ST7: variants seen among roughly 807,000 people sequenced by gnomAD.
ST7 encodes suppression of tumorigenicity 7.
In ST7, 28 loss-of-function variants were observed where a neutral mutation model predicts 78.7. The observed-to-expected ratio is 0.36, with a 90% CI of 0.26 to 0.49. The LOEUF is 0.49. ST7 is among the 20% of genes least tolerant of loss of function. The pLI is 0.99. For synonymous variants in ST7, 247 were observed against 249.6 expected, an observed-to-expected ratio of 0.99 and a Z score of 0.10; for missense variants, 418 against 696.0, an observed-to-expected ratio of 0.60 and a Z score of 4.49.
chr7:117,024,040 T>A (rs1796066562), intron 1 of ST7, among the ~76,000 whole-genome samples: 1 of 152,056 alleles, frequency 6.6e-6, no homozygotes, highest in Non-Finnish European at 1.5e-5. Flanking sequence ...TCCTGAACCC[T>A]TGACTGCAGG....
rs1231820161 is a variant in ST7 at position 117,065,399 on chromosome 7, C to T, written c.152-34363C>T. ...AATTTTTTTGTATTTTTAGTAGAGACGGGGTTTCACCGTGTTAGCCAGGAT... is the reference window on the plus strand; with the variant it reads ...AATTTTTTTGTATTTTTAGTAGAGATGGGGTTTCACCGTGTTAGCCAGGAT... On this transcript the variant is annotated intron_variant, in intron 1 of 15. Coordinates refer to ENST00000323984, the MANE Select transcript of ST7 (RefSeq NM_001369598.1). Among the ~76,000 whole-genome samples, 6 of 151,942 alleles carry T rather than the reference C, an allele frequency of 3.9e-5. No individual in the cohort carries two copies. In the East Asian group the frequency reaches 9.7e-4, roughly 25 times the overall value.
At chr7:117,214,551 A>T (rs1792538907) in intron 13 of ST7, among the ~76,000 whole-genome samples, 1 of 152,054 alleles carries the variant, frequency 6.6e-6, no homozygotes, top group African/African-American at 2.4e-5. Context: ...GAGAAATTCC[A>T]CCACCCTCCC....
At position 117,021,092 on chromosome 7, in the gene ST7, AG is replaced by A. The variant is rs1795884303; in HGVS notation, c.151+67403del. 2.0e-5 allele frequency among the ~76,000 whole-genome samples: 3 copies of A among 152,348 alleles called. No individual in the cohort carries two copies. The South Asian group carries it at 6.2e-4, about 32-fold the overall frequency. ...ATTTTCACAAAAACATAGACATTAT[AG>A]GTAGATTCAGAATGAGTAAGAAATC... is the stretch of plus-strand genomic sequence containing the variant. On this transcript the variant is annotated intron_variant, in intron 1 of 15. Transcript: ENST00000323984.
intron 3 of ST7, 45 bp from the exon 4 acceptor site, chr7:117,129,748 T>A: frequency 6.8e-7 from 1 of 1,466,976 alleles, no homozygotes; most frequent in Non-Finnish European, 9.5e-7. Flanking sequence ...GCTTGTAGTG[T>A]CACTGAACTT....
chr7:117,149,475 C>T (rs1164406926), intron 9 of ST7, among the ~76,000 whole-genome samples: 2 of 151,928 alleles, frequency 1.3e-5, no homozygotes, highest in Non-Finnish European at 2.9e-5. Flanking sequence ...GAGAGATGCT[C>T]TCTGCTCCTA....
At chr7:117,106,099 C>T (rs543488243) in intron 2 of ST7, among the ~76,000 whole-genome samples, 4 of 152,138 alleles carry the variant, frequency 2.6e-5, no homozygotes, top group African/African-American at 7.2e-5. Flanking sequence ...CCCGGGTTCA[C>T]GCCATTCTCC....
chr7:117,130,522 A>G lies in ST7; in HGVS notation c.481A>G (p.Thr161Ala). Reference protein sequence around the residue: ...YTWVTGREPLTYYDMNLSAQD... With the variant: ...YTWVTGREPLAYYDMNLSAQD... ...TTGGGTGACAGGACGAGAGCCTCTT[A>G]CTTACTATGACATGAATCTCTCTGC... The change falls in exon 5 of 16, where the codon ACT becomes GCT. Residue 161 changes from threonine to alanine, a missense_variant. Around this residue, in one of 4 missense-constraint regions of ST7, gnomAD observed 288 missense variants for 537.1 expected, o/e 0.54. Transcript: ENST00000323984. 1 of 1,611,482 alleles carries G rather than the reference A, an allele frequency of 6.2e-7. No homozygotes were observed.
chr7:117,050,914 G>A (rs1797755591), intron 1 of ST7, among the ~76,000 whole-genome samples: 1 of 139,858 alleles, frequency 7.2e-6, no homozygotes, highest in African/African-American at 2.7e-5. Flanking sequence ...TGGCGACAGA[G>A]CGAGACTACG....
chr7:117,004,862 C>T (rs1317311459), intron 1 of ST7, among the ~76,000 whole-genome samples: 1 of 151,960 alleles, frequency 6.6e-6, no homozygotes, highest in Non-Finnish European at 1.5e-5. Context: ...TAGAACAAAA[C>T]ATTTATGATG....
intron 1 of ST7, among the ~76,000 whole-genome samples, chr7:117,042,937 A>G (rs1264526560): frequency 1.3e-5 from 2 of 152,108 alleles, no homozygotes; most frequent in Admixed American, 6.6e-5. Context: ...GTTCCACTCT[A>G]TATATATTCT....
intron 1 of ST7, among the ~76,000 whole-genome samples, chr7:117,082,325 A>G (rs1799845557): frequency 6.6e-6 from 1 of 152,206 alleles, no homozygotes; most frequent in Admixed American, 6.5e-5. Context: ...GTTATAATTT[A>G]TCCATGATAA....
chr7:116,969,525 T>C (rs981246670), intron 1 of ST7, among the ~76,000 whole-genome samples: 2 of 152,198 alleles, frequency 1.3e-5, no homozygotes, highest in African/African-American at 4.8e-5. Flanking sequence ...AGAGAGAGTG[T>C]TGATCAGGTT....
intron 9 of ST7, among the ~76,000 whole-genome samples, chr7:117,148,305 T>A (rs571261466): frequency 4.6e-5 from 7 of 152,330 alleles, no homozygotes; most frequent in African/African-American, 1.7e-4. Flanking sequence ...TTTTAACATA[T>A]GTTAAGAATA....
At chr7:117,151,695 G>C (rs1806258813) in intron 9 of ST7, among the ~76,000 whole-genome samples, 1 of 152,130 alleles carries the variant, frequency 6.6e-6, no homozygotes. Flanking sequence ...CATGGCACTT[G>C]ATAGATAGGC....
chr7:117,214,241 G>A (rs556684983), intron 13 of ST7, among the ~76,000 whole-genome samples: 144 of 152,038 alleles, frequency 9.5e-4, no homozygotes, highest in African/African-American at 3.3e-3. Flanking sequence ...CTTTGTTTCC[G>A]TTTTTTTCTA....
At chr7:117,058,769 A>G (rs1045371227) in intron 1 of ST7, among the ~76,000 whole-genome samples, 1 of 152,194 alleles carries the variant, frequency 6.6e-6, no homozygotes, top group Non-Finnish European at 1.5e-5. Context: ...ACTATTCACA[A>G]TAGCCAAGAT....
intron 9 of ST7, among the ~76,000 whole-genome samples, chr7:117,165,605 C>T (rs1482956501): frequency 6.6e-6 from 1 of 152,078 alleles, no homozygotes; most frequent in Admixed American, 6.6e-5. Context: ...TATGATAGGT[C>T]GGTCACTGAC....
chr7:117,107,167 A>C (rs1321627115), intron 2 of ST7, among the ~76,000 whole-genome samples: 2 of 152,106 alleles, frequency 1.3e-5, no homozygotes, highest in Non-Finnish European at 2.9e-5. Flanking sequence ...TTATCCACTT[A>C]TTGATGAGCA....
intron 1 of ST7, among the ~76,000 whole-genome samples, chr7:116,973,604 T>A (rs549802681): frequency 1.8e-4 from 27 of 152,238 alleles, no homozygotes; most frequent in Admixed American, 1.1e-3. Context: ...AAGGTACTCC[T>A]ACATCCCTTT....
Sources: allele counts gnomAD v4.1 joint callset (sites outside exome capture counted in the v4.1 genomes callset), GRCh38; gene constraint gnomAD v4.1.1; regional missense constraint gnomAD v4.1.1; transcripts MANE v1.5; gene names NCBI Gene and HGNC (gene_info 2026-07-23, HGNC 2026-07-21).